Variants in ZPBP observed in about 807,000 individuals in gnomAD.
ZPBP encodes zona pellucida-binding protein 1.
ZPBP carries 26 observed loss-of-function variants against 44.8 expected under a neutral mutation model. The ratio of observed to expected loss-of-function variants is 0.58; its 90% CI spans 0.43 to 0.81. ZPBP has a LOEUF of 0.81. Ranked by LOEUF, ZPBP falls within the 30% of genes least tolerant of loss-of-function variation. ZPBP has a pLI of 0.00. For missense variants in ZPBP, 409 were observed against 434.0 expected, an observed-to-expected ratio of 0.94 and a Z score of 0.51; for synonymous variants, 174 against 153.2, an observed-to-expected ratio of 1.14 and a Z score of -1.00.
At chr7:49,987,653 T>C (rs1797356833) in intron 6 of ZPBP, among the ~76,000 whole-genome samples, 1 of 151,914 alleles carries the variant, frequency 6.6e-6, no homozygotes, top group Non-Finnish European at 1.5e-5. Context: ...AGGCCAATAA[T>C]CCAATTAGGA....
intron 2 of ZPBP, among the ~76,000 whole-genome samples, chr7:49,877,235 G>T (rs1791449256): frequency 6.6e-6 from 1 of 151,574 alleles, no homozygotes; most frequent in Admixed American, 6.6e-5. Context: ...GCCGAAGCAG[G>T]TCGATCACCT....
At chr7:49,985,160 C>A (rs981748042) in intron 6 of ZPBP, among the ~76,000 whole-genome samples, 1 of 152,178 alleles carries the variant, frequency 6.6e-6, no homozygotes, top group Non-Finnish European at 1.5e-5. Context: ...GCTCCAGCCA[C>A]CTGTGACACT....
At chr7:49,866,844 C>T (rs150411727) in intron 2 of ZPBP, among the ~76,000 whole-genome samples, 3 of 152,336 alleles carry the variant, frequency 2.0e-5, no homozygotes, top group East Asian at 3.9e-4. Flanking sequence ...TTCCTTTCAA[C>T]TCAGACAACC....
chr7:49,985,655 A>ACT (rs1562824599), intron 6 of ZPBP, among the ~76,000 whole-genome samples: 39 of 146,126 alleles, frequency 2.7e-4, no homozygotes, highest in Middle Eastern at 3.6e-3. Flanking sequence ...AAAAAAAAAA[A>ACT]AAAAACCTAA....
chr7:50,050,353 T>C (rs996252992), intron 4 of ZPBP, among the ~76,000 whole-genome samples: 1 of 152,078 alleles, frequency 6.6e-6, no homozygotes, highest in African/African-American at 2.4e-5. Context: ...GTTTTCTATA[T>C]ACTTACAGTA....
chr7:49,972,095 A>T lies in ZPBP; in HGVS notation c.961+11247T>A, dbSNP rs1583944522. On this transcript the variant is annotated intron_variant, in intron 7 of 7. Transcript: ENST00000046087. ...AGTATGAATAGAATAATACTCTCTC[A>T]TCATGGTAAAGACTTTATATGAAAA... Among the ~76,000 whole-genome samples, 3 of 152,122 alleles carry T rather than the reference A, an allele frequency of 2.0e-5. 1 individual carries two copies. Among genetic ancestry groups the T allele is most frequent in the Admixed American group, 2.0e-4 (3 of 15,260 alleles).
At chr7:49,931,025 G>C (rs1794426519) in intron 1 of ZPBP, among the ~76,000 whole-genome samples, 1 of 152,164 alleles carries the variant, frequency 6.6e-6, no homozygotes, top group African/African-American at 2.4e-5. Context: ...GTTTTATAAA[G>C]GGAGAGCTCT....
At chr7:49,932,897 C>T (rs955478314), downstream of ZPBP, among the ~76,000 whole-genome samples, 22 of 152,096 alleles carry the variant, frequency 1.4e-4, no homozygotes, top group African/African-American at 5.3e-4. Context: ...AGTTCCCCTG[C>T]TCATGTTCTC....
chr7:49,990,314 G>C (rs1797506164), intron 6 of ZPBP, among the ~76,000 whole-genome samples: 1 of 152,120 alleles, frequency 6.6e-6, no homozygotes, highest in African/African-American at 2.4e-5. Context: ...CCACCCCCTT[G>C]GGCACCCCAT....
chr7:49,980,918 G>C (rs1796832789), intron 7 of ZPBP, among the ~76,000 whole-genome samples: 1 of 151,574 alleles, frequency 6.6e-6, no homozygotes, highest in Non-Finnish European at 1.5e-5. Flanking sequence ...TAGATTAAAA[G>C]CCTTTTCATA....
chr7:49,980,026 T>A (rs1796725800), intron 7 of ZPBP, among the ~76,000 whole-genome samples: 2 of 13,462 alleles, frequency 1.5e-4, no homozygotes, highest in Non-Finnish European at 3.0e-4. Context: ...AATATAATTT[T>A]ATATTATATT....
intron 1 of ZPBP, among the ~76,000 whole-genome samples, chr7:49,904,297 T>C (rs1792958940): frequency 6.6e-6 from 1 of 152,210 alleles, no homozygotes; most frequent in Non-Finnish European, 1.5e-5. Context: ...GATTTCTTCT[T>C]CACTCCTGTA....
chr7:50,079,212 T>C (rs894695581), intron 3 of ZPBP, among the ~76,000 whole-genome samples: 1 of 151,626 alleles, frequency 6.6e-6, no homozygotes, highest in Admixed American at 6.6e-5. Flanking sequence ...CTCATTGAGA[T>C]TATATCTATG....
In ZPBP at chr7:49,884,668, G is replaced by C. The variant is rs1422425722; in HGVS notation, n.509+16450C>G. ...CAGTTGAGCTGGTTTCCTCAGGAGAGCAGGACCTGCTGCCTGACTGTGTCA... is the reference window on the plus strand; with the variant it reads ...CAGTTGAGCTGGTTTCCTCAGGAGACCAGGACCTGCTGCCTGACTGTGTCA... On this transcript the variant is annotated intron_variant and non_coding_transcript_variant, in intron 2 of 2. Coordinates refer to the ZPBP transcript ENST00000465922. Among the ~76,000 whole-genome samples the C allele has an allele frequency of 2.0e-5, 3 of 152,172 alleles. No individual in the cohort carries two copies. The East Asian group carries it at 5.8e-4, about 29-fold the overall frequency.
intron 3 of ZPBP, among the ~76,000 whole-genome samples, chr7:50,067,816 C>G (rs1562603569): frequency 6.6e-6 from 1 of 152,220 alleles, no homozygotes; most frequent in African/African-American, 2.4e-5. Context: ...CCAAGTGCCA[C>G]AGAATCTAAT....
intron 7 of ZPBP, among the ~76,000 whole-genome samples, chr7:49,972,073 A>C (rs1269750568): frequency 6.6e-6 from 1 of 152,038 alleles, no homozygotes; most frequent in Non-Finnish European, 1.5e-5. Flanking sequence ...TCAACAAAGT[A>C]TGAATAGAAT....
intron 7 of ZPBP, among the ~76,000 whole-genome samples, chr7:49,955,564 A>T (rs918163092): frequency 4.6e-5 from 7 of 152,172 alleles, no homozygotes; most frequent in African/African-American, 1.7e-4. Flanking sequence ...CTCAAAAAAA[A>T]AACTAAAGAA....
At chr7:49,952,276 T>C (rs1296151554) in intron 7 of ZPBP, among the ~76,000 whole-genome samples, 1 of 151,964 alleles carries the variant, frequency 6.6e-6, no homozygotes, top group Non-Finnish European at 1.5e-5. Context: ...TGGACCAATA[T>C]AAATTGGTGT....
intron 1 of ZPBP, among the ~76,000 whole-genome samples, chr7:50,092,393 T>G (rs1361573993): frequency 1.3e-5 from 2 of 152,208 alleles, no homozygotes; most frequent in Non-Finnish European, 2.9e-5. Flanking sequence ...TTGGAGGACT[T>G]CTTTTTTTCA....
Sources: gnomAD v4.1 joint callset for allele counts (sites outside exome capture counted in the v4.1 genomes callset) on GRCh38, gnomAD v4.1.1 for gene constraint, MANE v1.5 for transcripts, NCBI Gene and HGNC (gene_info 2026-07-23, HGNC 2026-07-21) for gene names.